SUGCT: variants seen among roughly 807,000 people sequenced by gnomAD.
SUGCT encodes the protein succinyl-CoA:glutarate-CoA transferase.
SUGCT carries 41 observed loss-of-function variants against 55.0 expected under a neutral mutation model. The ratio of observed to expected loss-of-function variants is 0.74; its 90% CI spans 0.58 to 0.97. SUGCT has a LOEUF of 0.97. Among genes scored for constraint, SUGCT ranks in the 50% least tolerant of loss-of-function variants. The pLI, the probability that SUGCT is intolerant of heterozygous loss-of-function variation, is 0.00. For missense variants in SUGCT, 568 were observed against 547.8 expected, an observed-to-expected ratio of 1.04 and a Z score of -0.37; for synonymous variants, 187 against 200.4, an observed-to-expected ratio of 0.93 and a Z score of 0.56.
chr7:40,901,309 T>C, the SUGCT span, among the ~76,000 whole-genome samples: 1 of 152,232 alleles, frequency 6.6e-6, no homozygotes, highest in Non-Finnish European at 1.5e-5. Flanking sequence ...CTAAATCTCC[T>C]GTTTTCTCAC....
At chr7:40,636,271 G>C (rs1217097335) in intron 12 of SUGCT, among the ~76,000 whole-genome samples, 1 of 152,190 alleles carries the variant, frequency 6.6e-6, no homozygotes. Flanking sequence ...GATGCTGGCT[G>C]TTGACTGGGT....
At chr7:40,198,637 G>T (rs931229328) in intron 6 of SUGCT, among the ~76,000 whole-genome samples, 2 of 142,732 alleles carry the variant, frequency 1.4e-5, no homozygotes, top group Non-Finnish European at 2.9e-5. Flanking sequence ...GAGGCGGGCG[G>T]ATCACCTGAG....
At chr7:40,140,650 TGGCCTCCCAAAGTGCTGGGATTACA>T (rs143737036) in intron 1 of SUGCT, among the ~76,000 whole-genome samples, 5,651 of 151,396 alleles carry the variant, frequency 0.037, 340 homozygotes, top group African/African-American at 0.13. Flanking sequence ...CCGCCTGTCT[TGGCCTCCCAAAGTGCTGGGATTACA>T]GGCATGAGGC....
chr7:40,495,794 T>A (rs1791936832), intron 11 of SUGCT, among the ~76,000 whole-genome samples: 1 of 152,222 alleles, frequency 6.6e-6, no homozygotes, highest in Non-Finnish European at 1.5e-5. Flanking sequence ...TAAATCACAG[T>A]GCAAAGGTTG....
chr7:40,913,814 A>G, the SUGCT span, among the ~76,000 whole-genome samples: 1 of 152,184 alleles, frequency 6.6e-6, no homozygotes, highest in African/African-American at 2.4e-5. Context: ...GGTGATTACC[A>G]AAGCACAAGA....
intron 12 of SUGCT, among the ~76,000 whole-genome samples, chr7:40,693,715 G>A (rs947957545): frequency 1.3e-5 from 2 of 152,156 alleles, no homozygotes; most frequent in Admixed American, 6.5e-5. Flanking sequence ...GATGTTCAGC[G>A]TATTCCTCAG....
At chr7:40,900,927 G>T in the SUGCT span, among the ~76,000 whole-genome samples, 4 of 152,170 alleles carry the variant, frequency 2.6e-5, no homozygotes, top group African/African-American at 9.7e-5. Context: ...AGATAAATGA[G>T]GGAAAATATA....
At chr7:40,334,319 T>G (rs893929042) in intron 9 of SUGCT, among the ~76,000 whole-genome samples, 2 of 152,200 alleles carry the variant, frequency 1.3e-5, no homozygotes, top group African/African-American at 4.8e-5. Context: ...CCTTGAGGAA[T>G]TGCCACACTG....
the SUGCT span, among the ~76,000 whole-genome samples, chr7:40,903,873 AC>A: frequency 6.6e-6 from 1 of 152,210 alleles, no homozygotes; most frequent in Admixed American, 6.5e-5. Context: ...GAGATTGACA[AC>A]TGACCTTGTG....
chr7:40,675,654 G>C (rs986217108), intron 12 of SUGCT, among the ~76,000 whole-genome samples: 7 of 152,168 alleles, frequency 4.6e-5, no homozygotes, highest in African/African-American at 1.7e-4. Flanking sequence ...AAAAGAGTCA[G>C]GGAAATTGCT....
intron 3 of SUGCT, among the ~76,000 whole-genome samples, chr7:40,187,703 C>T (rs367977484): frequency 1.3e-5 from 2 of 152,106 alleles, no homozygotes; most frequent in South Asian, 4.1e-4. Flanking sequence ...GGCTGGGTCA[C>T]TTGAAGTCAG....
At chr7:40,527,911 A>T (rs995499063) in intron 12 of SUGCT, among the ~76,000 whole-genome samples, 6 of 152,132 alleles carry the variant, frequency 3.9e-5, no homozygotes, top group African/African-American at 1.4e-4. Context: ...AGAGGCTTTT[A>T]TGCCTAGTTT....
intron 6 of SUGCT, among the ~76,000 whole-genome samples, chr7:40,205,098 A>T (rs1192241205): frequency 6.6e-6 from 1 of 151,438 alleles, no homozygotes; most frequent in Admixed American, 6.6e-5. Context: ...TACTAAAAAT[A>T]CAAAAATTAG....
the SUGCT span, among the ~76,000 whole-genome samples, chr7:40,886,347 G>A: frequency 3.9e-5 from 6 of 152,216 alleles, no homozygotes; most frequent in African/African-American, 7.2e-5. Flanking sequence ...GGCCACTAGC[G>A]GGAAATAAGC....
At chr7:40,162,867 C>T (rs1784245437) in intron 1 of SUGCT, among the ~76,000 whole-genome samples, 1 of 152,178 alleles carries the variant, frequency 6.6e-6, no homozygotes, top group Non-Finnish European at 1.5e-5. Context: ...AATAGACATC[C>T]TAGTTGTTGA....
chr7:40,992,518 C>T, the SUGCT span, among the ~76,000 whole-genome samples: 1 of 139,052 alleles, frequency 7.2e-6, no homozygotes, highest in Non-Finnish European at 1.6e-5. Flanking sequence ...CTTATTTTAC[C>T]GAGTCCCTAT....
chr7:40,466,834 C>T (rs761748610), intron 11 of SUGCT, among the ~76,000 whole-genome samples: 21 of 152,204 alleles, frequency 1.4e-4, no homozygotes, highest in Admixed American at 2.0e-4. Flanking sequence ...CCTAGTCTTT[C>T]AGTGATCAGC....
chr7:40,854,460 CTTTCTTTCTTTCTT>C (rs1794055916), intron 13 of SUGCT, among the ~76,000 whole-genome samples: 5 of 138,854 alleles, frequency 3.6e-5, no homozygotes, highest in African/African-American at 1.4e-4. Flanking sequence ...TTCTTTCTTT[CTTTCTTTCTTTCTT>C]TCTCTTTCTC....
At chr7:40,329,500 A>T (rs917234311) in intron 9 of SUGCT, among the ~76,000 whole-genome samples, 2 of 152,078 alleles carry the variant, frequency 1.3e-5, no homozygotes, top group African/African-American at 4.8e-5. Context: ...CATTTGGCCT[A>T]TTTTTCACCT....
Sources: allele counts gnomAD v4.1 joint callset (sites outside exome capture counted in the v4.1 genomes callset), GRCh38; gene constraint gnomAD v4.1.1; transcripts MANE v1.5; gene names NCBI Gene and HGNC (gene_info 2026-07-23, HGNC 2026-07-21).